Variants in NOL4L observed in about 807,000 individuals in gnomAD.
The protein encoded by NOL4L is nucleolar protein 4-like.
NOL4L carries 7 observed loss-of-function variants against 64.5 expected under a neutral mutation model. That is an observed-to-expected ratio of 0.11 (90% CI 0.06 to 0.20). The LOEUF is 0.20. NOL4L is among the 10% of genes least tolerant of loss of function. The pLI is 1.00. For missense variants in NOL4L, 680 were observed against 967.1 expected (o/e 0.70, Z 3.94); for synonymous variants, 413 against 401.0 (o/e 1.03, Z -0.36).
chr20:32,492,218 G>C (rs768993924), intron 4 of NOL4L, among the ~76,000 whole-genome samples: 38 of 152,130 alleles, frequency 2.5e-4, no homozygotes, highest in Non-Finnish European at 4.6e-4. Context: ...ATACATTGTG[G>C]GCCCCCCATA....
intron 1 of NOL4L, among the ~76,000 whole-genome samples, chr20:32,571,182 G>T (rs58284058): frequency 0.026 from 3,918 of 152,116 alleles, 161 homozygotes; most frequent in African/African-American, 0.086. Context: ...TATTGTGGGG[G>T]TTTTTTTGTT....
intron 2 of NOL4L, among the ~76,000 whole-genome samples, chr20:32,526,263 G>A (rs893758854): frequency 2.6e-5 from 4 of 152,128 alleles, no homozygotes; most frequent in Non-Finnish European, 4.4e-5. Context: ...CCCAGCCTGG[G>A]TGCCTCTTCC....
intron 4 of NOL4L, among the ~76,000 whole-genome samples, chr20:32,484,582 G>GCCCGCC (rs914307203): frequency 2.6e-5 from 4 of 151,264 alleles, no homozygotes; most frequent in Non-Finnish European, 4.4e-5. Context: ...CCGCCCGCGT[G>GCCCGCC]CCCGCCCCCG....
At chr20:32,509,780 T>G in intron 4 of NOL4L, 1 of 1,301,506 alleles carries the variant, frequency 7.7e-7, no homozygotes, top group African/African-American at 1.5e-5. Context: ...CCACTACTGG[T>G]TCTAGTGGTG....
At chr20:32,494,719 A>G (rs1329132700) in intron 4 of NOL4L, among the ~76,000 whole-genome samples, 1 of 152,212 alleles carries the variant, frequency 6.6e-6, no homozygotes, top group Non-Finnish European at 1.5e-5. Context: ...GCAATGAGAC[A>G]TCAACACAAT....
intron 2 of NOL4L, among the ~76,000 whole-genome samples, chr20:32,524,059 G>A (rs538694913): frequency 5.3e-5 from 8 of 152,292 alleles, no homozygotes; most frequent in Admixed American, 2.0e-4. Context: ...AGCTAGATCC[G>A]GACTGTGGAA....
At chr20:32,500,654 G>C (rs2016888297) in intron 4 of NOL4L, among the ~76,000 whole-genome samples, 1 of 151,166 alleles carries the variant, frequency 6.6e-6, no homozygotes, top group African/African-American at 2.4e-5. Context: ...GAGCTCCTTG[G>C]AGAAATCACT....
intron 4 of NOL4L, among the ~76,000 whole-genome samples, chr20:32,509,080 C>T (rs2017263559): frequency 6.6e-6 from 1 of 152,154 alleles, no homozygotes; most frequent in African/African-American, 2.4e-5. Context: ...TGCCTCAGTC[C>T]ACCCTCCAAG....
chr20:32,482,652 G>C (rs1028237355), intron 4 of NOL4L, among the ~76,000 whole-genome samples: 1 of 148,416 alleles, frequency 6.7e-6, no homozygotes, highest in Non-Finnish European at 1.5e-5. Context: ...CTTCGCCAGG[G>C]GCCGCCAACG....
rs577402358 is a variant in NOL4L, at chr20:32,466,900, G to C, written c.841+7701C>G. Among the ~76,000 whole-genome samples the C allele has an allele frequency of 3.9e-5, 6 of 152,290 alleles. No homozygotes were observed. In the South Asian group the frequency reaches 1.2e-3, roughly 32 times the overall value. The stretch of plus-strand genomic sequence containing the variant: ...GTCTGGCCATGAGTGTTGGGTCCAC[G>C]GGGAGGCAGCAGCAGGCCGGAGTTC... On this transcript the variant is annotated intron_variant, in intron 5 of 10. Transcript: ENST00000621426.
intron 1 of NOL4L, among the ~76,000 whole-genome samples, chr20:32,574,563 C>T (rs1010049215): frequency 1.3e-5 from 2 of 152,172 alleles, no homozygotes; most frequent in East Asian, 1.9e-4. Flanking sequence ...TTGTGTTTTT[C>T]TCGACTCGCC....
chr20:32,489,815 A>T (rs1159128761), intron 4 of NOL4L, among the ~76,000 whole-genome samples: 1 of 145,408 alleles, frequency 6.9e-6, no homozygotes, highest in African/African-American at 2.7e-5. Context: ...CTCTCAAATA[A>T]ATAAATAAAT....
Position 32,584,133 on chromosome 20 carries a change from G to GCGCA in NOL4L, c.321+436_321+437insTGCG, listed in dbSNP as rs1555811186. Among the ~76,000 whole-genome samples, 153 of 88,822 alleles carry GCGCA rather than the reference G, an allele frequency of 1.7e-3. 2 individuals carry two copies. The highest frequency in any genetic ancestry group is 5.2e-3 in the African/African-American group (99 of 19,164). The allele number at this position is 88,822 out of a possible 152,430, so 58.3% of individuals were successfully genotyped here. ...CCCCGCGGCACCACCCTCCGCGCGC[G>GCGCA]CACACACACACACACACACACACAC... On this transcript the variant is annotated intron_variant, in intron 1 of 10. Coordinates refer to ENST00000621426, the MANE Select transcript of NOL4L (RefSeq NM_001256798.2).
At chr20:32,566,422 C>A (rs1979433622) in intron 1 of NOL4L, among the ~76,000 whole-genome samples, 2 of 137,714 alleles carry the variant, frequency 1.5e-5, no homozygotes, top group Admixed American at 1.6e-4. Flanking sequence ...ACAAGGTTGG[C>A]ATCACTGACT....
At chr20:32,502,768 G>A (rs1289804588) in intron 4 of NOL4L, among the ~76,000 whole-genome samples, 1 of 151,946 alleles carries the variant, frequency 6.6e-6, no homozygotes, top group East Asian at 1.9e-4. Context: ...AAAATTAGCC[G>A]GGAGTGGTGG....
intron 5 of NOL4L, among the ~76,000 whole-genome samples, chr20:32,468,080 G>A (rs2014703292): frequency 6.6e-6 from 1 of 152,168 alleles, no homozygotes; most frequent in Non-Finnish European, 1.5e-5. Context: ...AGGATGAGGG[G>A]CCACAGCCCC....
chr20:32,509,692 G>T, intron 4 of NOL4L: 1 of 1,169,100 alleles, frequency 8.6e-7, no homozygotes, highest in Non-Finnish European at 1.1e-6. Flanking sequence ...ATTGACGCAA[G>T]TGAAGATACA....
chr20:32,456,323 T>C lies in NOL4L; in HGVS notation c.914A>G (p.Gln305Arg), dbSNP rs1318694157. 2 of 1,561,588 alleles carry C rather than the reference T, an allele frequency of 1.3e-6. No homozygotes were observed. Among genetic ancestry groups the C allele is most frequent in the Non-Finnish European group, 8.7e-7 (1 of 1,150,498 alleles). Residue 305 changes from glutamine (Q) to arginine (R), a missense_variant, in exon 6 of 11, where the codon CAG becomes CGG. Gln to Arg is a conservative substitution (Grantham distance 43). This residue lies in a region of NOL4L where 254 missense variants were observed against 238.7 expected (regional missense o/e 1.06). Transcript: ENST00000621426. ...TLNPSTSSST[Q>R]GDPAFPEMNG... ...CATCTCGGGGAAGGCAGGGTCGCCC[T>C]GCGTGCTGCTCGACGTGGATGGGTT...
At chr20:32,533,067 C>T (rs1448700978) in intron 1 of NOL4L, among the ~76,000 whole-genome samples, 2 of 152,204 alleles carry the variant, frequency 1.3e-5, no homozygotes, top group Non-Finnish European at 2.9e-5. Flanking sequence ...GGGAAGACCA[C>T]TTGAGCCCAG....
Sources: gnomAD v4.1 joint callset for allele counts (sites outside exome capture counted in the v4.1 genomes callset) on GRCh38, gnomAD v4.1.1 for gene constraint, gnomAD v4.1.1 regional missense constraint, MANE v1.5 for transcripts, NCBI Gene and HGNC (gene_info 2026-07-23, HGNC 2026-07-21) for gene names.